Variants in NEUROD1 observed in about 807,000 individuals in gnomAD.
The protein encoded by NEUROD1 is neurogenic differentiation factor 1.
NEUROD1 carries 9 observed loss-of-function variants against 21.8 expected under a neutral mutation model. The ratio of observed to expected loss-of-function variants is 0.41; its 90% CI spans 0.25 to 0.72. NEUROD1 has a LOEUF of 0.72. Among genes scored for constraint, NEUROD1 ranks in the 30% least tolerant of loss-of-function variants. The pLI is 0.31. For synonymous variants in NEUROD1, 199 were observed against 186.2 expected, an observed-to-expected ratio of 1.07 and a Z score of -0.56; for missense variants, 434 against 468.8, an observed-to-expected ratio of 0.93 and a Z score of 0.69.
chr2:181,678,685 T>A lies in NEUROD1; in HGVS notation c.176A>T (p.Glu59Val). Residue 59 changes from glutamate to valine, a missense_variant, in exon 2 of 2, where the codon GAG becomes GTG. Coordinates refer to ENST00000295108, the MANE Select transcript of NEUROD1 (RefSeq NM_002500.5). This position sits in a 1 kb window ranked among gnomAD's most constrained non-coding sequence, Gnocchi z 5.5. ...TTCCAGGTCCTCATCTTCGTCCTCC[T>A]CCTCTCCCCCGTTCCTCAGTGAGTC... ...EEDSLRNGGE[E>V]EDEDEDLEEE... The A allele has an allele frequency of 6.2e-7, 1 of 1,611,834 alleles. No individual in the cohort carries two copies. The highest frequency in any genetic ancestry group is 8.5e-7 in the Non-Finnish European group (1 of 1,178,850).
chr2:181,670,001 C>T (rs960382991), downstream of NEUROD1, among the ~76,000 whole-genome samples: 1 of 152,090 alleles, frequency 6.6e-6, no homozygotes, highest in East Asian at 1.9e-4. Flanking sequence ...AGTCATGGCA[C>T]TTAAATTCAT....
intron 1 of NEUROD1, among the ~76,000 whole-genome samples, chr2:181,679,268 A>AT (rs1047285899): frequency 7.1e-6 from 1 of 141,550 alleles, no homozygotes; most frequent in African/African-American, 3.0e-5. Flanking sequence ...TCACAACTCC[A>AT]TAAAAAAAAA....
chr2:181,680,253 G>A (rs1463349157), intron 1 of NEUROD1, among the ~76,000 whole-genome samples, 177 bp downstream of exon 1: 1 of 152,080 alleles, frequency 6.6e-6, no homozygotes, highest in Non-Finnish European at 1.5e-5. Context: ...GCCTGCAGGG[G>A]GTACTTGAGT....
exon 2 of NEUROD1, among the ~76,000 whole-genome samples, chr2:181,671,107 T>G (rs1688492084): frequency 6.6e-6 from 1 of 151,846 alleles, no homozygotes; most frequent in African/African-American, 2.4e-5. Flanking sequence ...TATGTTTTAA[T>G]ATAAATGCAC....
exon 2 of NEUROD1, among the ~76,000 whole-genome samples, chr2:181,670,739 T>G (rs1367139675): frequency 6.6e-6 from 1 of 152,084 alleles, no homozygotes; most frequent in Non-Finnish European, 1.5e-5. Flanking sequence ...CCCCTTGATT[T>G]GTAGACACAT....
chr2:181,674,189 T>C (rs1047958484), downstream of NEUROD1, among the ~76,000 whole-genome samples: 1 of 152,194 alleles, frequency 6.6e-6, no homozygotes, highest in Non-Finnish European at 1.5e-5. Flanking sequence ...TAGAAATAAC[T>C]ATTCATAGGA....
intron 1 of NEUROD1, among the ~76,000 whole-genome samples, chr2:181,680,095 A>C (rs1688669187): frequency 6.6e-6 from 1 of 152,236 alleles, no homozygotes; most frequent in South Asian, 2.1e-4. Context: ...TACTGTAAGA[A>C]GTGAGAAAGT....
Position 181,678,255 on chromosome 2 carries a change from G to C in NEUROD1, c.606C>G (p.Asp202Glu), listed in dbSNP as rs1466402999. 6 of 1,614,186 alleles carry C rather than the reference G, an allele frequency of 3.7e-6. No individual in the cohort carries two copies. Among genetic ancestry groups the C allele is most frequent in the Middle Eastern group, 1.6e-4 (1 of 6,062 alleles). ...PRTFLPEQNQ[D>E]MPPHLPTASA... ...TGGCCGTCGGCAGGTGGGGGGGCAT[G>C]TCCTGGTTCTGCTCAGGCAGAAAAG... is the stretch of plus-strand genomic sequence containing the variant. Residue 202 changes from aspartate (D) to glutamate (E), a missense_variant, in exon 2 of 2, where the codon GAC (aspartate) becomes GAG (glutamate). Coordinates refer to ENST00000295108, the MANE Select transcript of NEUROD1 (RefSeq NM_002500.5). This position sits in a 1 kb window ranked among gnomAD's most constrained non-coding sequence, Gnocchi z 5.5.
At chr2:181,670,046 A>G (rs538696583), downstream of NEUROD1, among the ~76,000 whole-genome samples, 1 of 152,344 alleles carries the variant, frequency 6.6e-6, no homozygotes, top group East Asian at 1.9e-4. Flanking sequence ...ATGTACTTTA[A>G]AATATGAACT....
downstream of NEUROD1, among the ~76,000 whole-genome samples, chr2:181,675,227 T>C (rs1688551319): frequency 6.6e-6 from 1 of 152,238 alleles, no homozygotes; most frequent in Non-Finnish European, 1.5e-5. Flanking sequence ...ATTTCTGTCA[T>C]GTGATGAAGG....
At position 181,678,249 on chromosome 2, in the gene NEUROD1, G is replaced by C. The variant is rs1688625519; in HGVS notation, c.612C>G (p.Pro204=). The part of the protein sequence containing the change: ...TFLPEQNQDM[P]PHLPTASASF... ...AAGCGCTGGCCGTCGGCAGGTGGGG[G>C]GGCATGTCCTGGTTCTGCTCAGGCA... The change falls in exon 2 of 2, where the codon CCC becomes CCG. Residue 204 remains proline, a synonymous_variant. Coordinates refer to ENST00000295108, the MANE Select transcript of NEUROD1 (RefSeq NM_002500.5). The surrounding 1 kb of genome is among the most constrained non-coding windows in gnomAD (Gnocchi z 5.5). 1.2e-6 allele frequency: 2 copies of C among 1,614,052 alleles called. No homozygotes were observed. The highest frequency in any genetic ancestry group is 1.3e-5 in the African/African-American group (1 of 74,928).
At chr2:181,680,383 G>T (rs1688674258) in intron 1 of NEUROD1, 47 bp downstream of exon 1, 1 of 152,208 alleles carries the variant, frequency 6.6e-6, no homozygotes, top group Non-Finnish European at 1.5e-5. Flanking sequence ...TCAGTCTTCA[G>T]TTATTGCTTC....
chr2:181,671,249 T>C (rs1367170325), exon 2 of NEUROD1, among the ~76,000 whole-genome samples: 1 of 152,158 alleles, frequency 6.6e-6, no homozygotes, highest in African/African-American at 2.4e-5. Context: ...TTAAGGTATC[T>C]AAACAAGTAG....
intron 1 of NEUROD1, among the ~76,000 whole-genome samples, chr2:181,679,269 TA>T (rs35681168): frequency 0.13 from 17,199 of 136,722 alleles, 2,062 homozygotes; most frequent in African/African-American, 0.32. Context: ...CACAACTCCA[TA>T]AAAAAAAAAA....
downstream of NEUROD1, among the ~76,000 whole-genome samples, chr2:181,674,806 G>GA (rs34619473): frequency 0.1 from 14,968 of 143,808 alleles, 830 homozygotes; most frequent in East Asian, 0.17. Context: ...AAAATGGGAA[G>GA]AAAAAAAAAA....
chr2:181,678,686 C>G lies in NEUROD1; in HGVS notation c.175G>C (p.Glu59Gln), dbSNP rs553756272. 3.0e-5 allele frequency: 49 copies of G among 1,611,808 alleles called. No individual in the cohort carries two copies. In the South Asian group the frequency reaches 4.1e-4, roughly 13 times the overall value. The change falls in exon 2 of 2, where the codon GAG becomes CAG. Residue 59 changes from glutamate to glutamine, a missense_variant. By Grantham distance (29) the Glu-to-Gln change is conservative. Coordinates refer to ENST00000295108, the MANE Select transcript of NEUROD1 (RefSeq NM_002500.5). The surrounding 1 kb of genome is among the most constrained non-coding windows in gnomAD (Gnocchi z 5.5). ...TCCAGGTCCTCATCTTCGTCCTCCT[C>G]CTCTCCCCCGTTCCTCAGTGAGTCC... ...EEDSLRNGGE[E>Q]EDEDEDLEEE...
Position 181,678,111 on chromosome 2 carries a change from G to T in NEUROD1, c.750C>A (p.Ser250Arg), listed in dbSNP as rs201293992. 440 of 1,614,226 alleles carry T rather than the reference G, an allele frequency of 2.7e-4. No individual in the cohort carries two copies. The highest frequency in any genetic ancestry group is 3.6e-4 in the South Asian group (33 of 91,082). ...FHVKPPPHAY[S>R]AALEPFFESP... Reference sequence around the variant, plus strand: ...TTTCAAAGAAGGGCTCCAGCGCTGCGCTGTAGGCGTGCGGCGGAGGCTTAA... The same window carrying T: ...TTTCAAAGAAGGGCTCCAGCGCTGCTCTGTAGGCGTGCGGCGGAGGCTTAA... The change falls in exon 2 of 2, where the codon AGC becomes AGA. Residue 250 changes from serine to arginine, a missense_variant. By Grantham distance (110) the Ser-to-Arg change is moderately radical. Coordinates refer to ENST00000295108, the MANE Select transcript of NEUROD1 (RefSeq NM_002500.5). This position sits in a 1 kb window ranked among gnomAD's most constrained non-coding sequence, Gnocchi z 5.5.
downstream of NEUROD1, among the ~76,000 whole-genome samples, chr2:181,669,029 A>G (rs1322393270): frequency 2.0e-5 from 3 of 152,138 alleles, no homozygotes; most frequent in Non-Finnish European, 4.4e-5. Flanking sequence ...CCTGACTCCT[A>G]TATCTGGATA....
chr2:181,677,250 C>A lies in NEUROD1; in HGVS notation c.*540G>T, dbSNP rs371992788. ...TATTTTGTATAAATTAGATATAATT[C>A]TACTTTTCTGATATGTATAAAAATT... is the stretch of plus-strand genomic sequence containing the variant. On this transcript the variant is annotated 3_prime_UTR_variant, in exon 2 of 2. Coordinates refer to ENST00000295108, the MANE Select transcript of NEUROD1 (RefSeq NM_002500.5). 1 of 145,460 alleles carries A rather than the reference C, an allele frequency of 6.9e-6. No individual in the cohort carries two copies. Among genetic ancestry groups the A allele is most frequent in the East Asian group, 2.1e-4 (1 of 4,800 alleles). The allele number at this position is 145,460 out of a possible 1,614,324, so 9.0% of individuals were successfully genotyped here.
Sources: allele counts gnomAD v4.1 joint callset (sites outside exome capture counted in the v4.1 genomes callset), GRCh38; gene constraint gnomAD v4.1.1; non-coding constraint Gnocchi (gnomAD v3.1); transcripts MANE v1.5; gene names NCBI Gene and HGNC (gene_info 2026-07-23, HGNC 2026-07-21).